The following PDE8B variants were observed in gnomAD, a reference collection of about 807,000 sequenced individuals.
PDE8B encodes the protein phosphodiesterase 8B.
PDE8B carries 26 observed loss-of-function variants against 101.3 expected under a neutral mutation model. The ratio of observed to expected loss-of-function variants is 0.26; its 90% CI spans 0.19 to 0.36. The LOEUF (loss-of-function observed/expected upper bound fraction) is 0.36, where lower values mean the gene tolerates loss of function less well. Ranked by LOEUF, PDE8B falls within the 10% of genes least tolerant of loss-of-function variation. The pLI, the probability that PDE8B is intolerant of heterozygous loss-of-function variation, is 1.00. For missense variants in PDE8B, 810 were observed against 1,163.1 expected (o/e 0.70, Z 4.42); for synonymous variants, 424 against 429.3 (o/e 0.99, Z 0.15).
Position 77,407,437 on chromosome 5 carries a change from A to T in PDE8B, c.1345A>T (p.Ile449Phe). ...CATGGCGAGGATCCACTCCATGACCATCGAGGCTCCCATCACAAAGGTGAG... is the reference window on the plus strand; with the variant it reads ...CATGGCGAGGATCCACTCCATGACCTTCGAGGCTCCCATCACAAAGGTGAG... ...PSMARIHSMTIEAPITKVINI... is the reference protein window; with the variant it reads ...PSMARIHSMTFEAPITKVINI... The change falls in exon 13 of 22, where the codon ATC (isoleucine) becomes TTC (phenylalanine). Residue 449 changes from isoleucine to phenylalanine, a missense_variant. Transcript: ENST00000264917. The T allele has an allele frequency of 1.2e-6, 2 of 1,613,820 alleles. No individual in the cohort carries two copies. The highest frequency in any genetic ancestry group is 1.7e-6 in the Non-Finnish European group (2 of 1,179,762).
At chr5:77,382,885 C>A (rs1787784354) in intron 10 of PDE8B, among the ~76,000 whole-genome samples, 1 of 152,124 alleles carries the variant, frequency 6.6e-6, no homozygotes, top group African/African-American at 2.4e-5. Context: ...GTGAACAGTG[C>A]CACAATAAAC....
At chr5:77,109,664 A>G in the PDE8B span, among the ~76,000 whole-genome samples, 22 of 152,228 alleles carry the variant, frequency 1.4e-4, no homozygotes, top group African/African-American at 4.8e-4. Flanking sequence ...TGGCAAAGCC[A>G]GGTACAACAC....
At chr5:77,130,547 A>C in the PDE8B span, among the ~76,000 whole-genome samples, 1 of 152,170 alleles carries the variant, frequency 6.6e-6, no homozygotes, top group Non-Finnish European at 1.5e-5. Flanking sequence ...AACCTTATGA[A>C]ATAGGCACTT....
chr5:77,176,558 A>G, the PDE8B span, among the ~76,000 whole-genome samples: 1 of 152,218 alleles, frequency 6.6e-6, no homozygotes, highest in Non-Finnish European at 1.5e-5. Flanking sequence ...ATGATGTCAT[A>G]TTGACTACTA....
the PDE8B span, among the ~76,000 whole-genome samples, chr5:77,134,098 A>G: frequency 5.3e-5 from 8 of 152,284 alleles, no homozygotes; most frequent in African/African-American, 1.9e-4. Flanking sequence ...AGGCTTGGGA[A>G]TAGGACAATG....
intron 10 of PDE8B, among the ~76,000 whole-genome samples, chr5:77,360,514 T>C (rs1002064464): frequency 6.6e-6 from 1 of 152,224 alleles, no homozygotes; most frequent in African/African-American, 2.4e-5. Context: ...ATTATTCACC[T>C]CACATGAAGG....
rs1279516279 is a variant in PDE8B, at chr5:77,413,300, A to G, written c.1902A>G (p.Glu634=). The G allele has an allele frequency of 6.2e-7, 1 of 1,613,470 alleles. No homozygotes were observed. The highest frequency in any genetic ancestry group is 8.5e-7 in the Non-Finnish European group (1 of 1,179,588). The change falls in exon 17 of 22, where the codon GAA becomes GAG. Residue 634 remains glutamate, a synonymous_variant. Transcript: ENST00000264917. ...LHATAFFLGK[E]RVKGSLDQLD... ...CCACCGCTTTCTTTCTTGGAAAGGAAAGAGTAAAGGTAGGATTTTGATATC... is the reference window on the plus strand; with the variant it reads ...CCACCGCTTTCTTTCTTGGAAAGGAGAGAGTAAAGGTAGGATTTTGATATC...
intron 2 of PDE8B, among the ~76,000 whole-genome samples, chr5:77,324,374 G>A (rs893778865): frequency 3.3e-5 from 5 of 152,168 alleles, no homozygotes; most frequent in African/African-American, 9.7e-5. Context: ...CAGGGAACAA[G>A]CCAGGCCGAG....
At chr5:77,347,304 TG>T (rs1780318001) in intron 7 of PDE8B, among the ~76,000 whole-genome samples, 2 of 152,216 alleles carry the variant, frequency 1.3e-5, no homozygotes, top group Non-Finnish European at 2.9e-5. Context: ...AATTTGTCCA[TG>T]GTTCTGTAGC....
rs1767010706 is a variant in PDE8B, at chr5:77,290,350, A to G, written c.340-21644A>G. 4.2e-6 allele frequency: 6 copies of G among 1,443,706 alleles called. No individual in the cohort carries two copies. In the Admixed American group the frequency reaches 5.0e-5, roughly 12 times the overall value. The allele number at this position is 1,443,706 out of a possible 1,614,324, so 89.4% of individuals were successfully genotyped here. A position where few individuals can be genotyped will look rare whatever the true frequency, so the allele number is the denominator to read the frequency against. ...CGAGAGGAAAATGAGGGCGTGTATA[A>G]TGGAAGCTGGGGAGGCCGGGGAGAG... is the stretch of plus-strand genomic sequence containing the variant. On this transcript the variant is annotated intron_variant, in intron 1 of 21. Transcript: ENST00000264917.
chr5:77,417,529 C>A (rs1795821591), intron 17 of PDE8B, among the ~76,000 whole-genome samples: 1 of 152,140 alleles, frequency 6.6e-6, no homozygotes, highest in Non-Finnish European at 1.5e-5. Context: ...ATAACAGTAG[C>A]CCATCTGATA....
chr5:77,350,691 C>T (rs1447838235), intron 8 of PDE8B, among the ~76,000 whole-genome samples: 1 of 152,146 alleles, frequency 6.6e-6, no homozygotes, highest in African/African-American at 2.4e-5. Context: ...ACTCTCTGAG[C>T]CTCAGTTTAC....
intron 10 of PDE8B, among the ~76,000 whole-genome samples, chr5:77,365,147 A>G (rs1217059898): frequency 6.6e-6 from 1 of 152,182 alleles, no homozygotes; most frequent in Non-Finnish European, 1.5e-5. Flanking sequence ...AAGGGCTAAC[A>G]TAGTGGCTCC....
the PDE8B span, among the ~76,000 whole-genome samples, chr5:77,179,542 C>T: frequency 6.6e-6 from 1 of 152,188 alleles, no homozygotes; most frequent in Admixed American, 6.5e-5. Flanking sequence ...TGTATTACTT[C>T]CTGAAAGTGT....
the PDE8B span, among the ~76,000 whole-genome samples, chr5:77,095,427 T>G: frequency 6.6e-6 from 1 of 152,214 alleles, no homozygotes; most frequent in African/African-American, 2.4e-5. Context: ...GTTCCAATTC[T>G]TCAAAGAAAT....
At chr5:77,425,586 T>C (rs1581657765) in intron 20 of PDE8B, among the ~76,000 whole-genome samples, 181 bp from the exon 21 acceptor site, 2 of 152,082 alleles carry the variant, frequency 1.3e-5, no homozygotes, top group South Asian at 4.1e-4. Flanking sequence ...AGTGGGAAGG[T>C]CTGAGTGTAG....
chr5:77,408,134 G>C (rs1793845111), intron 13 of PDE8B, among the ~76,000 whole-genome samples: 3 of 152,220 alleles, frequency 2.0e-5, no homozygotes, highest in Admixed American at 6.5e-5. Context: ...TAGAATTATA[G>C]CTGTGGAGGT....
At chr5:77,320,321 T>G (rs983885773) in intron 2 of PDE8B, among the ~76,000 whole-genome samples, 11 of 152,222 alleles carry the variant, frequency 7.2e-5, no homozygotes, top group Non-Finnish European at 1.5e-4. Flanking sequence ...TGCCGATAGC[T>G]ATGTTCTGAC....
intron 2 of PDE8B, among the ~76,000 whole-genome samples, chr5:77,313,737 A>G (rs754014001): frequency 1.3e-5 from 2 of 152,168 alleles, no homozygotes; most frequent in Middle Eastern, 3.2e-3. Flanking sequence ...TTTGTTTCAG[A>G]GTTTTCTCAG....
Sources: allele counts gnomAD v4.1 joint callset (sites outside exome capture counted in the v4.1 genomes callset), GRCh38; gene constraint gnomAD v4.1.1; transcripts MANE v1.5; gene names NCBI Gene and HGNC (gene_info 2026-07-23, HGNC 2026-07-21).